The following HMCES variants were observed in gnomAD, a reference collection of about 807,000 sequenced individuals.
The protein encoded by HMCES is 5-hydroxymethylcytosine binding, ES cell specific, also known as abasic site processing protein HMCES.
In HMCES, 27 loss-of-function variants were observed where a neutral mutation model predicts 35.1. The ratio of observed to expected loss-of-function variants is 0.77; its 90% CI spans 0.57 to 1.06. The LOEUF (loss-of-function observed/expected upper bound fraction) is 1.06. HMCES is among the 50% of genes least tolerant of loss of function. The pLI, the probability that HMCES is intolerant of heterozygous loss-of-function variation, is 0.00. For missense variants in HMCES, 391 were observed against 430.4 expected, an observed-to-expected ratio of 0.91 and a Z score of 0.81; for synonymous variants, 130 against 154.7, an observed-to-expected ratio of 0.84 and a Z score of 1.18.
chr3:129,291,190 G>A (rs2071011446), intron 4 of HMCES, among the ~76,000 whole-genome samples: 1 of 152,082 alleles, frequency 6.6e-6, no homozygotes, highest in Admixed American at 6.6e-5. Flanking sequence ...GCAAGACTCT[G>A]TCAAAATAAA....
chr3:129,282,540 C>T (rs1940526102), intron 2 of HMCES, among the ~76,000 whole-genome samples: 1 of 152,136 alleles, frequency 6.6e-6, no homozygotes, highest in Non-Finnish European at 1.5e-5. Context: ...ATACAGCCCT[C>T]ATTTGGGCCA....
At chr3:129,290,641 T>G (rs952867185) in intron 3 of HMCES, 38 bp from the exon 4 acceptor site, 1 of 1,593,496 alleles carries the variant, frequency 6.3e-7, no homozygotes, top group Admixed American at 1.7e-5. Context: ...AACATGATTG[T>G]ATCACTAAGA....
intron 4 of HMCES, among the ~76,000 whole-genome samples, chr3:129,294,758 A>G: frequency 6.6e-6 from 1 of 152,180 alleles, no homozygotes; most frequent in East Asian, 1.9e-4. Context: ...CTCTGGTATT[A>G]CAGCCCTTCT....
chr3:129,285,455 A>ATT (rs150463854), intron 2 of HMCES, among the ~76,000 whole-genome samples: 1 of 144,858 alleles, frequency 6.9e-6, no homozygotes, highest in Non-Finnish European at 1.5e-5. Context: ...CAGAGAAAGG[A>ATT]TTTTTTTTTT....
In HMCES at chr3:129,305,000, G is replaced by A; in HGVS notation, c.*175G>A. 1.6e-6 allele frequency: 1 copy of A among 608,068 alleles called. No homozygotes were observed. The highest frequency in any genetic ancestry group is 1.8e-5 in the African/African-American group (1 of 54,146). 37.7% of individuals were successfully genotyped at this position (608,068 alleles called of 1,614,324 possible). A position where few individuals can be genotyped will look rare whatever the true frequency, so the allele number is the denominator to read the frequency against. ...AGTAGGAGCCCCTAGTGGGGCTGGT[G>A]GACAGCTTTGGAAGAGGTGTCCTGC... On this transcript the variant is annotated 3_prime_UTR_variant, in exon 7 of 7. Transcript: ENST00000383463.
chr3:129,299,972 T>G (rs1017479923), intron 5 of HMCES, among the ~76,000 whole-genome samples: 1 of 151,954 alleles, frequency 6.6e-6, no homozygotes, highest in Non-Finnish European at 1.5e-5. Context: ...ATTTTTTTTT[T>G]GTAGCATCAT....
At chr3:129,286,210 A>G (rs1940633713) in intron 2 of HMCES, among the ~76,000 whole-genome samples, 1 of 152,348 alleles carries the variant, frequency 6.6e-6, no homozygotes, top group East Asian at 1.9e-4. Flanking sequence ...GCATATGTTG[A>G]AATCCTAACC....
chr3:129,286,483 C>T (rs938758625), intron 2 of HMCES, among the ~76,000 whole-genome samples: 1 of 152,168 alleles, frequency 6.6e-6, no homozygotes, highest in Non-Finnish European at 1.5e-5. Context: ...TCAAGGGGAA[C>T]GAACATAGAT....
chr3:129,298,670 A>C (rs1291570323), intron 5 of HMCES, 135 bp downstream of exon 5: 1 of 718,160 alleles, frequency 1.4e-6, no homozygotes, highest in Non-Finnish European at 2.3e-6. Context: ...CTCTAACATG[A>C]CATACATTCC....
intron 4 of HMCES, among the ~76,000 whole-genome samples, chr3:129,295,435 A>AG (rs201795288): frequency 4.8e-4 from 43 of 90,142 alleles, no homozygotes; most frequent in African/African-American, 4.2e-3. Flanking sequence ...AGACTCTATC[A>AG]AAAAAAAAAA....
chr3:129,301,575 A>G (rs1423488516), intron 5 of HMCES, among the ~76,000 whole-genome samples: 3 of 152,140 alleles, frequency 2.0e-5, no homozygotes, highest in African/African-American at 4.8e-5. Flanking sequence ...TCTTACTGTA[A>G]GTCTTTCAGA....
intron 5 of HMCES, among the ~76,000 whole-genome samples, chr3:129,299,921 G>A (rs1381946602): frequency 4.0e-5 from 6 of 151,190 alleles, no homozygotes; most frequent in South Asian, 2.1e-4. Flanking sequence ...GAGCCACCGC[G>A]CCTGGCTGGA....
chr3:129,293,436 T>C (rs1393592834), intron 4 of HMCES, among the ~76,000 whole-genome samples: 1 of 152,122 alleles, frequency 6.6e-6, no homozygotes, highest in African/African-American at 2.4e-5. Flanking sequence ...ACACAAATGA[T>C]TTGGTACAAG....
intron 4 of HMCES, 30 bp from the exon 5 acceptor site, chr3:129,298,324 A>C: frequency 6.2e-7 from 1 of 1,609,182 alleles, no homozygotes; most frequent in Non-Finnish European, 8.5e-7. Flanking sequence ...TGCTGAGTGC[A>C]TCTAATCTGC....
At position 129,294,122 on chromosome 3, in the gene HMCES, CA is replaced by C. The variant is rs1175123350; in HGVS notation, c.453+3324del. ...TTATTGGCTTATTATTTTTGCCTCT[CA>C]AAAAATGTCTTTAGGCCGGGCGCAG... is the stretch of plus-strand genomic sequence containing the variant. On this transcript the variant is annotated intron_variant, in intron 4 of 6. Coordinates refer to ENST00000383463, the MANE Select transcript of HMCES (RefSeq NM_020187.3). 3.3e-5 allele frequency among the ~76,000 whole-genome samples: 5 copies of C among 152,024 alleles called. No homozygotes were observed. The East Asian group carries it at 5.8e-4, about 18-fold the overall frequency.
chr3:129,279,678 T>C lies in HMCES; in HGVS notation c.-23-32T>C. 1 of 1,594,140 alleles carries C rather than the reference T, an allele frequency of 6.3e-7. No homozygotes were observed. The highest frequency in any genetic ancestry group is 2.3e-5 in the East Asian group (1 of 44,224). On this transcript the variant is annotated intron_variant, in intron 1 of 6. Transcript: ENST00000383463. This position sits in a 1 kb window ranked among gnomAD's most constrained non-coding sequence, Gnocchi z 4.2. ...AATAAGACCTAATATTTGAGATACG[T>C]AAGCCTTTTCCTTACGTTTTGTAAT...
chr3:129,300,955 C>G (rs933710725), intron 5 of HMCES, among the ~76,000 whole-genome samples: 2 of 151,146 alleles, frequency 1.3e-5, no homozygotes, highest in Non-Finnish European at 2.9e-5. Flanking sequence ...GGCGTGAACC[C>G]GGGAGGTGGA....
chr3:129,296,626 T>C, intron 4 of HMCES, among the ~76,000 whole-genome samples: 1 of 152,194 alleles, frequency 6.6e-6, no homozygotes, highest in Admixed American at 6.5e-5. Context: ...CCAGAGATGA[T>C]ATGTAGGACA....
At chr3:129,290,922 G>A in intron 4 of HMCES, 118 bp downstream of exon 4, 1 of 1,038,130 alleles carries the variant, frequency 9.6e-7, no homozygotes, top group Non-Finnish European at 1.4e-6. Flanking sequence ...AACAGCTTTG[G>A]CCCAGTGCGG....
Sources: gnomAD v4.1 joint callset for allele counts (sites outside exome capture counted in the v4.1 genomes callset) on GRCh38, gnomAD v4.1.1 for gene constraint, Gnocchi (gnomAD v3.1) non-coding constraint, MANE v1.5 for transcripts, NCBI Gene and HGNC (gene_info 2026-07-23, HGNC 2026-07-21) for gene names.